Variants in ZNF804B observed in about 807,000 individuals in gnomAD.
ZNF804B encodes the protein zinc finger 804B.
In ZNF804B, 80 loss-of-function variants were observed where a neutral mutation model predicts 101.4. That is an observed-to-expected ratio of 0.79 (90% CI 0.66 to 0.95). The LOEUF is 0.95. ZNF804B is among the 40% of genes least tolerant of loss of function. ZNF804B has a pLI of 0.00. For synonymous variants in ZNF804B, 622 were observed against 558.8 expected, an observed-to-expected ratio of 1.11 and a Z score of -1.59; for missense variants, 1,673 against 1,561.9, an observed-to-expected ratio of 1.07 and a Z score of -1.20.
chr7:88,770,662 A>G (rs888090867), intron 1 of ZNF804B, among the ~76,000 whole-genome samples: 3 of 152,188 alleles, frequency 2.0e-5, no homozygotes, highest in Non-Finnish European at 4.4e-5. Context: ...CTCCTGTGAG[A>G]TGAGTGAATT....
intron 2 of ZNF804B, among the ~76,000 whole-genome samples, chr7:89,234,311 T>C (rs1789245601): frequency 6.6e-6 from 1 of 152,044 alleles, no homozygotes; most frequent in South Asian, 2.1e-4. Flanking sequence ...TCATAATAGC[T>C]AGCTAAATGG....
chr7:88,759,852 C>G lies in ZNF804B; in HGVS notation c.-125C>G. 1.4e-6 allele frequency: 1 copy of G among 740,460 alleles called. No homozygotes were observed. Among genetic ancestry groups the G allele is most frequent in the East Asian group, 2.6e-5 (1 of 38,248 alleles). The allele number at this position is 740,460 out of a possible 1,614,324, so 45.9% of individuals were successfully genotyped here. On this transcript the variant is annotated 5_prime_UTR_variant, in exon 1 of 4. Transcript: ENST00000333190. ...AGGGACGCGCTGCCACCGCCTCCCCCTGCGTCCTGCTGGCCGCGTCTTCTC... is the reference window on the plus strand; with the variant it reads ...AGGGACGCGCTGCCACCGCCTCCCCGTGCGTCCTGCTGGCCGCGTCTTCTC...
At chr7:89,029,217 C>T (rs1233774117) in intron 1 of ZNF804B, among the ~76,000 whole-genome samples, 2 of 152,114 alleles carry the variant, frequency 1.3e-5, no homozygotes, top group Non-Finnish European at 1.5e-5. Context: ...AATTCTCCTG[C>T]CTCAGCCTCC....
intron 2 of ZNF804B, among the ~76,000 whole-genome samples, chr7:89,276,041 C>T (rs577264761): frequency 6.6e-6 from 1 of 151,960 alleles, no homozygotes; most frequent in African/African-American, 2.4e-5. Context: ...ATCTGGAAGC[C>T]ATTATCCTTA....
In ZNF804B at chr7:89,336,747, T is replaced by C. The variant is rs766638053; in HGVS notation, c.3765T>C (p.Ile1255=). 6.2e-7 allele frequency: 1 copy of C among 1,614,076 alleles called. No individual in the cohort carries two copies. The highest frequency in any genetic ancestry group is 1.7e-5 in the Admixed American group (1 of 59,978). ...CATTTTCGACTCTGACTCCAACCAT[T>C]ATCCCTGCACACCCCACTTTCTTAG... ...PISFSTLTPT[I]IPAHPTFLAG... The change falls in exon 4 of 4, where the codon ATT becomes ATC. Residue 1255 remains isoleucine (I), a synonymous_variant. Transcript: ENST00000333190.
At chr7:89,015,351 A>T (rs370704130) in intron 1 of ZNF804B, among the ~76,000 whole-genome samples, 1 of 150,614 alleles carries the variant, frequency 6.6e-6, no homozygotes, top group African/African-American at 2.4e-5. Context: ...AATTATTATT[A>T]TACTTTAAGA....
rs1562743749 is a variant in ZNF804B, at chr7:89,334,528, G to C, written c.1546G>C (p.Val516Leu). Residue 516 changes from valine (V) to leucine (L), a missense_variant, in exon 4 of 4, where the codon GTC becomes CTC. By Grantham distance (32) the Val-to-Leu change is conservative. Coordinates refer to ENST00000333190, the MANE Select transcript of ZNF804B (RefSeq NM_181646.5). ...ATTGAAGACTAAAAGAGAGAGCCAA[G>C]TCTCAGGTTTAACTGAAGACCAACA... ...LELKTKRESQ[V>L]SGLTEDQQKL... The C allele has an allele frequency of 1.2e-6, 2 of 1,613,634 alleles. No homozygotes were observed. The highest frequency in any genetic ancestry group is 1.7e-5 in the Admixed American group (1 of 59,882).
intron 1 of ZNF804B, among the ~76,000 whole-genome samples, chr7:88,921,477 T>C (rs1792718123): frequency 6.6e-6 from 1 of 152,142 alleles, no homozygotes; most frequent in Non-Finnish European, 1.5e-5. Flanking sequence ...AACATTTCTA[T>C]TGTATGTACA....
At chr7:89,289,734 T>C (rs2115893364) in intron 2 of ZNF804B, among the ~76,000 whole-genome samples, 1 of 152,256 alleles carries the variant, frequency 6.6e-6, no homozygotes, top group East Asian at 1.9e-4. Context: ...CTTGTCACCA[T>C]GGGCTAAAGT....
At chr7:88,905,312 C>T (rs531573739) in intron 1 of ZNF804B, among the ~76,000 whole-genome samples, 8 of 151,900 alleles carry the variant, frequency 5.3e-5, no homozygotes, top group Non-Finnish European at 7.4e-5. Flanking sequence ...TTGATTGTGG[C>T]GAATTAACTT....
intron 1 of ZNF804B, among the ~76,000 whole-genome samples, chr7:88,835,867 T>G (rs1791208749): frequency 1.3e-5 from 2 of 151,952 alleles, no homozygotes; most frequent in Non-Finnish European, 2.9e-5. Flanking sequence ...TCATATAAGC[T>G]CTGCATATGC....
chr7:88,983,878 A>G (rs1793724531), intron 1 of ZNF804B, among the ~76,000 whole-genome samples: 1 of 151,978 alleles, frequency 6.6e-6, no homozygotes, highest in African/African-American at 2.4e-5. Flanking sequence ...TTGAAAATTT[A>G]TTATTTGCTC....
chr7:88,871,048 A>G (rs1791815720), intron 1 of ZNF804B, among the ~76,000 whole-genome samples: 1 of 152,226 alleles, frequency 6.6e-6, no homozygotes, highest in South Asian at 2.1e-4. Context: ...TAAAAGATTG[A>G]TAATTCTCAA....
rs763168237 is a variant in ZNF804B at position 89,336,656 on chromosome 7, C to T, written c.3674C>T (p.Ser1225Phe). ...QHFAVSASLSSHSSHLPIAHL... is the reference protein window; with the variant it reads ...QHFAVSASLSFHSSHLPIAHL... ...TTTGCTGTTTCTGCTTCCTTAAGTT[C>T]TCATAGCAGTCACCTCCCTATTGCT... Residue 1225 changes from serine (S) to phenylalanine (F), a missense_variant, in exon 4 of 4, where the codon TCT becomes TTT. Physicochemically the swap from Ser to Phe is radical, Grantham distance 155. Transcript: ENST00000333190. 3.1e-6 allele frequency: 5 copies of T among 1,614,088 alleles called. No homozygotes were observed. Among genetic ancestry groups the T allele is most frequent in the Non-Finnish European group, 4.2e-6 (5 of 1,180,010 alleles).
intron 1 of ZNF804B, among the ~76,000 whole-genome samples, chr7:88,891,327 CTA>C (rs1792210511): frequency 6.6e-6 from 1 of 152,020 alleles, no homozygotes; most frequent in South Asian, 2.1e-4. Flanking sequence ...ATTTTAATCA[CTA>C]TGTATTTATT....
intron 1 of ZNF804B, among the ~76,000 whole-genome samples, chr7:89,091,746 A>G (rs577319131): frequency 6.6e-6 from 1 of 152,210 alleles, no homozygotes; most frequent in South Asian, 2.1e-4. Context: ...GTGCCTTTCT[A>G]TGGCACTTCA....
At chr7:88,872,700 A>G (rs868304921) in intron 1 of ZNF804B, among the ~76,000 whole-genome samples, 4 of 149,802 alleles carry the variant, frequency 2.7e-5, no homozygotes, top group Admixed American at 2.0e-4. Flanking sequence ...ATTCCCACCT[A>G]TGAGTGAGAA....
chr7:89,231,819 C>A (rs1021620862), intron 2 of ZNF804B, among the ~76,000 whole-genome samples: 5 of 151,902 alleles, frequency 3.3e-5, no homozygotes, highest in African/African-American at 9.7e-5. Context: ...GTTGTTAGTT[C>A]TAGCATCTTT....
At chr7:89,140,331 T>A (rs1353811193) in intron 1 of ZNF804B, among the ~76,000 whole-genome samples, 1 of 152,072 alleles carries the variant, frequency 6.6e-6, no homozygotes, top group Non-Finnish European at 1.5e-5. Context: ...TGGCTTCAAC[T>A]TATAGGTGCT....
Sources: gnomAD v4.1 joint callset for allele counts (sites outside exome capture counted in the v4.1 genomes callset) on GRCh38, gnomAD v4.1.1 for gene constraint, MANE v1.5 for transcripts, NCBI Gene and HGNC (gene_info 2026-07-23, HGNC 2026-07-21) for gene names.